The following ATG3 variants were observed in gnomAD, a reference collection of about 807,000 sequenced individuals.
ATG3 encodes autophagy related 3, also known as ubiquitin-like-conjugating enzyme ATG3.
Under a neutral mutation model 50.7 loss-of-function variants are expected in ATG3, and 25 were observed. The ratio of observed to expected loss-of-function variants is 0.49; its 90% confidence interval spans 0.36 to 0.69. The LOEUF (loss-of-function observed/expected upper bound fraction) is 0.69, where lower values mean the gene tolerates loss of function less well. Ranked by LOEUF, ATG3 falls within the 30% of genes least tolerant of loss-of-function variation. The probability of loss-of-function intolerance (pLI) is 0.00; values close to 1 mark genes in which losing one functional copy is unlikely to be tolerated. For synonymous variants in ATG3, 119 were observed against 125.5 expected, an observed-to-expected ratio of 0.95 and a Z score of 0.34; for missense variants, 281 against 376.0, an observed-to-expected ratio of 0.75 and a Z score of 2.09.
At chr3:112,558,895 T>C (rs36025914) in intron 1 of ATG3, among the ~76,000 whole-genome samples, 10,300 of 152,146 alleles carry the variant, frequency 0.068, 437 homozygotes, top group Admixed American at 0.12. Flanking sequence ...TGTGCCACCA[T>C]GCCCGGCTAA....
At chr3:112,553,508 T>C (rs533084773) in intron 2 of ATG3, among the ~76,000 whole-genome samples, 179 bp from the exon 3 acceptor site, 5 of 152,354 alleles carry the variant, frequency 3.3e-5, no homozygotes, top group Non-Finnish European at 7.3e-5. Context: ...TTTTTGATTA[T>C]GACTAAACTG....
chr3:112,538,019 G>GT (rs1933120009), intron 8 of ATG3, 127 bp downstream of exon 8: 1 of 1,211,908 alleles, frequency 8.3e-7, no homozygotes, highest in Non-Finnish European at 1.2e-6. Flanking sequence ...TCAAAGCTAC[G>GT]TTTTATATGC....
rs575424650 is a variant in ATG3, at chr3:112,532,889, C to T, written c.864-109G>A. 3.5e-5 allele frequency: 46 copies of T among 1,330,196 alleles called. No individual in the cohort carries two copies. The East Asian group carries it at 1.2e-3, about 34-fold the overall frequency. 82.4% of individuals were successfully genotyped at this position (1,330,196 alleles called of 1,614,324 possible). On this transcript the variant is annotated intron_variant, in intron 11 of 11. Coordinates refer to ENST00000283290, the MANE Select transcript of ATG3 (RefSeq NM_022488.5). Reference sequence around the variant, plus strand: ...CCATTAATTTCTCAAAAAAACCCCACAAAATCTTAAATTAAGTCTATTAAA... The same window carrying T: ...CCATTAATTTCTCAAAAAAACCCCATAAAATCTTAAATTAAGTCTATTAAA...
Position 112,554,296 on chromosome 3 carries a change from G to A in ATG3, c.115-967C>T, listed in dbSNP as rs371190212. ...AAGCAACTGAAGATCCACAAAAGAA[G>A]TGAAAATAGCCTTAATTGATGACAC... On this transcript the variant is annotated intron_variant, in intron 2 of 11. Coordinates refer to ENST00000283290, the MANE Select transcript of ATG3 (RefSeq NM_022488.5). Among the ~76,000 whole-genome samples, 26 of 152,332 alleles carry A rather than the reference G, an allele frequency of 1.7e-4. No individual in the cohort carries two copies. The East Asian group carries it at 3.3e-3, about 19-fold the overall frequency.
chr3:112,559,209 T>C (rs1021679159), intron 1 of ATG3, among the ~76,000 whole-genome samples: 1 of 152,196 alleles, frequency 6.6e-6, no homozygotes, highest in African/African-American at 2.4e-5. Context: ...AGAAACCAAA[T>C]CTAGAAATTA....
intron 3 of ATG3, among the ~76,000 whole-genome samples, chr3:112,550,607 T>A (rs1001402934): frequency 1.3e-5 from 2 of 152,200 alleles, no homozygotes; most frequent in Admixed American, 6.5e-5. Context: ...TGTAGCCCAC[T>A]GTATAATCTC....
chr3:112,541,306 G>C (rs1933217464), intron 7 of ATG3, among the ~76,000 whole-genome samples: 1 of 152,038 alleles, frequency 6.6e-6, no homozygotes. Flanking sequence ...AGAATCACCT[G>C]AACCTGGGAG....
intron 7 of ATG3, among the ~76,000 whole-genome samples, chr3:112,540,285 G>A (rs912247071): frequency 6.6e-6 from 1 of 152,178 alleles, no homozygotes; most frequent in African/African-American, 2.4e-5. Context: ...AGGTACTTTT[G>A]ATCTAGCAAG....
chr3:112,556,245 T>C (rs937123596), intron 2 of ATG3, among the ~76,000 whole-genome samples: 5 of 152,268 alleles, frequency 3.3e-5, no homozygotes, highest in Non-Finnish European at 5.9e-5. Context: ...TTTAACTGAT[T>C]TCCTCATTAG....
chr3:112,534,489 CAAT>C (rs1240947736), intron 10 of ATG3, 152 bp from the exon 11 acceptor site: 1 of 418,104 alleles, frequency 2.4e-6, no homozygotes, highest in African/African-American at 2.0e-5. Flanking sequence ...CACCACTCCC[CAAT>C]AACTATAAAA....
At chr3:112,543,506 G>A (rs1013898343) in intron 6 of ATG3, among the ~76,000 whole-genome samples, 1 of 152,080 alleles carries the variant, frequency 6.6e-6, no homozygotes, top group Non-Finnish European at 1.5e-5. Flanking sequence ...GAATTTGAAT[G>A]ATGCAAGCTA....
intron 4 of ATG3, among the ~76,000 whole-genome samples, chr3:112,549,797 C>CAAAA (rs1491072699): frequency 3.8e-5 from 1 of 26,392 alleles, no homozygotes; most frequent in Non-Finnish European, 7.2e-5. Flanking sequence ...CTCAAAACAA[C>CAAAA]CAAAAAAAAA....
intron 7 of ATG3, among the ~76,000 whole-genome samples, chr3:112,539,268 ACT>A (rs1491224785): frequency 1.3e-5 from 2 of 151,970 alleles, no homozygotes; most frequent in Admixed American, 6.6e-5. Context: ...GGCTTGTCTC[ACT>A]CTGAGTAATG....
rs150335694 is a variant in ATG3 at position 112,540,569 on chromosome 3, T to C, written c.475+1234A>G. Among the ~76,000 whole-genome samples the C allele has an allele frequency of 5.5e-3, 842 of 151,934 alleles. 9 individuals are homozygous for C. The highest frequency in any genetic ancestry group is 0.019 in the African/African-American group (777 of 41,394). ...ATCTTTCTTGTTGCACAAATTTTCA[T>C]GCCAAACTACAGAATGCCATTATAG... is the stretch of plus-strand genomic sequence containing the variant. On this transcript the variant is annotated intron_variant, in intron 7 of 11. Coordinates refer to ENST00000283290, the MANE Select transcript of ATG3 (RefSeq NM_022488.5).
At chr3:112,537,285 T>A (rs1933093437) in intron 9 of ATG3, among the ~76,000 whole-genome samples, 2 of 152,194 alleles carry the variant, frequency 1.3e-5, no homozygotes, top group Non-Finnish European at 2.9e-5. Context: ...GTTAAACAAG[T>A]TGATTTCCTG....
chr3:112,536,751 C>A, intron 9 of ATG3, 149 bp from the exon 10 acceptor site: 1 of 718,942 alleles, frequency 1.4e-6, no homozygotes, highest in East Asian at 3.3e-5. Flanking sequence ...GAAACACCGT[C>A]TCTACTAAGA....
intron 11 of ATG3, 68 bp downstream of exon 11, chr3:112,534,201 C>T: frequency 6.6e-7 from 1 of 1,508,090 alleles, no homozygotes; most frequent in Non-Finnish European, 8.9e-7. Context: ...TAAGGTTACA[C>T]TAAATTTCTC....
At chr3:112,552,112 C>T (rs1239146469) in intron 3 of ATG3, among the ~76,000 whole-genome samples, 1 of 152,110 alleles carries the variant, frequency 6.6e-6, no homozygotes. Context: ...TATAGAATTC[C>T]TATCCCCAGT....
intron 1 of ATG3, among the ~76,000 whole-genome samples, chr3:112,561,136 C>A (rs1026317674): frequency 9.2e-5 from 14 of 152,298 alleles, no homozygotes; most frequent in African/African-American, 2.9e-4. Flanking sequence ...TAAAAGACTT[C>A]CAGTGTTTGG....
Sources: gnomAD v4.1 joint callset for allele counts (sites outside exome capture counted in the v4.1 genomes callset) on GRCh38, gnomAD v4.1.1 for gene constraint, MANE v1.5 for transcripts, NCBI Gene and HGNC (gene_info 2026-07-23, HGNC 2026-07-21) for gene names.